NALF1: variants seen among roughly 807,000 people sequenced by gnomAD.
NALF1 encodes the protein NALCN channel auxiliary factor 1.
A neutral mutation model predicts 48.4 loss-of-function variants in NALF1; 3 were observed. The observed-to-expected ratio is 0.06, with a 90% confidence interval of 0.03 to 0.16. NALF1 has a LOEUF of 0.16. NALF1 is among the 10% of genes least tolerant of loss of function. The pLI is 1.00. For missense variants in NALF1, 526 were observed against 571.5 expected, an observed-to-expected ratio of 0.92 and a Z score of 0.81; for synonymous variants, 262 against 245.7, an observed-to-expected ratio of 1.07 and a Z score of -0.62.
In NALF1 at chr13:107,358,168, ATGTGTGTGTGTG is replaced by A. The variant is rs59782928; in HGVS notation, c.916-147425_916-147414del. 4.0e-3 allele frequency among the ~76,000 whole-genome samples: 582 copies of A among 143,986 alleles called. 4 individuals carry two copies. Among genetic ancestry groups the A allele is most frequent in the African/African-American group, 0.015 (566 of 37,894 alleles). 94.5% of individuals were successfully genotyped at this position (143,986 alleles called of 152,430 possible). ...TATACCTATTTTATATACGTAACAT[ATGTGTGTGTGTG>A]TGTGTGTGTGTGTTTAAAATAAAGC... On this transcript the variant is annotated intron_variant, in intron 1 of 2. Transcript: ENST00000375915.
intron 1 of NALF1, among the ~76,000 whole-genome samples, chr13:107,548,802 CCATACACACACACGT>C (rs1441314656): frequency 6.6e-6 from 1 of 151,790 alleles, no homozygotes; most frequent in African/African-American, 2.4e-5. Context: ...GAATATCTAG[CCATACACACACACGT>C]GTGTGTGTGT....
intron 1 of NALF1, among the ~76,000 whole-genome samples, chr13:107,724,663 G>A (rs570108925): frequency 6.6e-6 from 1 of 151,470 alleles, no homozygotes; most frequent in African/African-American, 2.4e-5. Context: ...CCAGGCTCAA[G>A]CGATCCTTCC....
chr13:107,827,021 T>A, intron 1 of NALF1, among the ~76,000 whole-genome samples: 1 of 152,228 alleles, frequency 6.6e-6, no homozygotes, highest in East Asian at 1.9e-4. Context: ...TGCCTTCGAC[T>A]ACTGGTCCAT....
At chr13:107,210,143 C>T (rs887203788) in intron 2 of NALF1, among the ~76,000 whole-genome samples, 1 of 151,826 alleles carries the variant, frequency 6.6e-6, no homozygotes, top group African/African-American at 2.4e-5. Flanking sequence ...GATAAAGTAA[C>T]ATAAAAATTC....
At chr13:107,653,975 C>CA (rs1880511297) in intron 1 of NALF1, among the ~76,000 whole-genome samples, 1 of 151,756 alleles carries the variant, frequency 6.6e-6, no homozygotes, top group Non-Finnish European at 1.5e-5. Context: ...TATTTTGTTT[C>CA]AAAAAATTAG....
chr13:107,451,333 C>T (rs1469868504), intron 1 of NALF1, among the ~76,000 whole-genome samples: 2 of 152,176 alleles, frequency 1.3e-5, no homozygotes, highest in Non-Finnish European at 2.9e-5. Flanking sequence ...CTGATTCCCC[C>T]TCCTATTTAT....
chr13:107,842,323 A>T (rs1231881550), intron 1 of NALF1, among the ~76,000 whole-genome samples: 1 of 152,096 alleles, frequency 6.6e-6, no homozygotes, highest in East Asian at 1.9e-4. Flanking sequence ...TTTGTGCAAG[A>T]TAACAAAGAA....
chr13:107,178,826 TC>T (rs1168135151), intron 2 of NALF1, among the ~76,000 whole-genome samples: 1 of 151,948 alleles, frequency 6.6e-6, no homozygotes, highest in Non-Finnish European at 1.5e-5. Context: ...GTGCCTGTAG[TC>T]GCAGCTACTC....
chr13:107,426,679 A>G (rs1052952673), intron 1 of NALF1, among the ~76,000 whole-genome samples: 7 of 152,200 alleles, frequency 4.6e-5, no homozygotes, highest in Non-Finnish European at 8.8e-5. Context: ...AATAGGTCCT[A>G]GTCTAGAAGT....
rs2138956398 is a variant in NALF1, at chr13:107,362,556, A to G, written c.916-151801T>C. 6.6e-6 allele frequency among the ~76,000 whole-genome samples: 1 copy of G among 152,180 alleles called. No individual in the cohort carries two copies. Among genetic ancestry groups the G allele is most frequent in the Non-Finnish European group, 1.5e-5 (1 of 68,000 alleles). Reference sequence around the variant, plus strand: ...CGTCGCGGGGCATTCTCCTCTCCTTATATCAGACACCAGTCACACTGGATT... The same window carrying G: ...CGTCGCGGGGCATTCTCCTCTCCTTGTATCAGACACCAGTCACACTGGATT... On this transcript the variant is annotated intron_variant, in intron 1 of 2. Transcript: ENST00000375915. The surrounding 1 kb of genome is among the most constrained non-coding windows in gnomAD (Gnocchi z 4.6).
intron 1 of NALF1, among the ~76,000 whole-genome samples, chr13:107,621,952 T>G (rs1879527562): frequency 6.6e-6 from 1 of 152,006 alleles, no homozygotes; most frequent in South Asian, 2.1e-4. Context: ...ACAGAGAAAT[T>G]TCTGTGATTC....
intron 1 of NALF1, among the ~76,000 whole-genome samples, chr13:107,476,806 C>T (rs535265869): frequency 1.3e-5 from 2 of 152,122 alleles, no homozygotes; most frequent in East Asian, 1.9e-4. Context: ...ACCACAGAGA[C>T]CCTCTGCTGG....
At chr13:107,233,333 T>C (rs1880266632) in intron 1 of NALF1, among the ~76,000 whole-genome samples, 1 of 152,184 alleles carries the variant, frequency 6.6e-6, no homozygotes, top group Admixed American at 6.5e-5. Context: ...AAGGCAGTTT[T>C]CTCAGTCATC....
intron 1 of NALF1, among the ~76,000 whole-genome samples, chr13:107,858,226 A>G (rs1880484958): frequency 6.6e-6 from 1 of 152,232 alleles, no homozygotes. Flanking sequence ...ATAAATTAAA[A>G]CTAAATAGAA....
chr13:107,647,225 G>C (rs1690599960), intron 1 of NALF1, among the ~76,000 whole-genome samples: 1 of 151,982 alleles, frequency 6.6e-6, no homozygotes, highest in African/African-American at 2.4e-5. Context: ...TGCAAAGGAA[G>C]CATAAGATGA....
At chr13:107,828,757 C>T (rs1879611318) in intron 1 of NALF1, among the ~76,000 whole-genome samples, 1 of 151,974 alleles carries the variant, frequency 6.6e-6, no homozygotes, top group South Asian at 2.1e-4. Context: ...ACAATAATGG[C>T]TTAACAATTT....
intron 1 of NALF1, among the ~76,000 whole-genome samples, chr13:107,796,217 T>C (rs1038018151): frequency 9.9e-5 from 15 of 152,176 alleles, no homozygotes; most frequent in Non-Finnish European, 2.1e-4. Context: ...ATGTGTTTTA[T>C]GTAGTTTGGG....
At chr13:107,487,040 C>A (rs559809125) in intron 1 of NALF1, among the ~76,000 whole-genome samples, 71 of 152,070 alleles carry the variant, frequency 4.7e-4, no homozygotes, top group Non-Finnish European at 9.3e-4. Flanking sequence ...GTTATAGACA[C>A]GAATTCCTCC....
At chr13:107,470,550 C>T (rs1885083236) in intron 1 of NALF1, among the ~76,000 whole-genome samples, 2 of 152,180 alleles carry the variant, frequency 1.3e-5, no homozygotes, top group African/African-American at 2.4e-5. Context: ...TTCTAGAAAG[C>T]TGTCCTTCAG....
Sources: gnomAD v4.1 joint callset for allele counts (sites outside exome capture counted in the v4.1 genomes callset) on GRCh38, gnomAD v4.1.1 for gene constraint, Gnocchi (gnomAD v3.1) non-coding constraint, MANE v1.5 for transcripts, NCBI Gene and HGNC (gene_info 2026-07-23, HGNC 2026-07-21) for gene names.